Variants in IL1RAPL1 observed in about 807,000 individuals in gnomAD.
The protein encoded by IL1RAPL1 is interleukin 1 receptor accessory protein like 1.
IL1RAPL1 carries 3 observed loss-of-function variants against 48.4 expected under a neutral mutation model. The observed-to-expected ratio is 0.06, with a 90% CI of 0.03 to 0.16. The LOEUF is 0.16. Among genes scored for constraint, IL1RAPL1 ranks in the 10% least tolerant of loss-of-function variants. The probability of loss-of-function intolerance (pLI) is 1.00; values close to 1 mark genes in which losing one functional copy is unlikely to be tolerated. For missense variants in IL1RAPL1, 349 were observed against 530.6 expected, an observed-to-expected ratio of 0.66 and a Z score of 3.36; for synonymous variants, 185 against 187.7, an observed-to-expected ratio of 0.99 and a Z score of 0.12.
chrX:29,651,897 T>A (rs957451666), intron 5 of IL1RAPL1, among the ~76,000 whole-genome samples: 2 of 111,853 alleles, frequency 1.8e-5, no homozygotes, highest in African/African-American at 6.5e-5. Context: ...CATACAATGT[T>A]ATCTGTCAAT....
At chrX:28,770,370 TTCA>T (rs1936295578) in intron 1 of IL1RAPL1, among the ~76,000 whole-genome samples, 2 of 111,586 alleles carry the variant, frequency 1.8e-5, no homozygotes, top group African/African-American at 3.3e-5. Flanking sequence ...AAGCTCAAGC[TTCA>T]TCAGTCTCTG....
chrX:29,669,957 G>A (rs777783152), intron 6 of IL1RAPL1, among the ~76,000 whole-genome samples: 8 of 111,337 alleles, frequency 7.2e-5, no homozygotes, highest in African/African-American at 2.0e-4. Flanking sequence ...ATAATTCATA[G>A]GAAGATGTAT....
rs183401846 is a variant in IL1RAPL1, at chrX:29,467,482, C to T, written c.703+68174C>T. Among the ~76,000 whole-genome samples the T allele has an allele frequency of 4.5e-3, 509 of 112,642 alleles. 4 individuals are homozygous for T. Among genetic ancestry groups the T allele is most frequent in the African/African-American group, 0.016 (493 of 31,058 alleles). On this transcript the variant is annotated intron_variant, in intron 5 of 10. Coordinates refer to ENST00000378993, the MANE Select transcript of IL1RAPL1 (RefSeq NM_014271.4). ...CTTGCGAAGGGGTCGCTCACTTACT[C>T]AGCCTGCAGCACTCAAACCCCTTGA...
intron 2 of IL1RAPL1, among the ~76,000 whole-genome samples, chrX:29,235,051 G>A (rs184202673): frequency 1.7e-3 from 195 of 111,730 alleles, no homozygotes; most frequent in Middle Eastern, 9.3e-3. Context: ...CCACTTCTAC[G>A]CATCCCCTGC....
chrX:29,719,862 G>A (rs1927588417), intron 6 of IL1RAPL1, among the ~76,000 whole-genome samples: 2 of 110,437 alleles, frequency 1.8e-5, no homozygotes, highest in Admixed American at 9.7e-5. Context: ...AGGAAAGAAG[G>A]TAGAGTATTT....
intron 5 of IL1RAPL1, among the ~76,000 whole-genome samples, chrX:29,428,088 G>T (rs991224234): frequency 2.7e-5 from 3 of 112,099 alleles, no homozygotes; most frequent in African/African-American, 9.7e-5. Flanking sequence ...CACAAAGGCA[G>T]TTTCAGTCAC....
At chrX:29,685,703 T>A (rs143019402) in intron 6 of IL1RAPL1, among the ~76,000 whole-genome samples, 2 of 109,898 alleles carry the variant, frequency 1.8e-5, no homozygotes, top group Non-Finnish European at 3.8e-5. Flanking sequence ...AACAGAAGTA[T>A]TGGCCAGGTG....
At chrX:28,768,755 CTATATA>C (rs1207885215) in intron 1 of IL1RAPL1, among the ~76,000 whole-genome samples, 476 of 34,843 alleles carry the variant, frequency 0.014, 8 homozygotes, top group African/African-American at 0.056. Flanking sequence ...CTCTCTCTCT[CTATATA>C]TATATATATA....
intron 2 of IL1RAPL1, among the ~76,000 whole-genome samples, chrX:29,198,586 G>A (rs765843859): frequency 1.8e-5 from 2 of 111,503 alleles, no homozygotes; most frequent in East Asian, 2.8e-4. Flanking sequence ...AAGCCACTGC[G>A]CCCAGCCAGA....
chrX:29,476,869 A>ATTTTTTTTTTTTT (rs1934980303), intron 5 of IL1RAPL1, among the ~76,000 whole-genome samples: 17 of 49,321 alleles, frequency 3.4e-4, no homozygotes, highest in South Asian at 1.2e-3. Context: ...TTTTACCCAT[A>ATTTTTTTTTTTTT]TTCTTTTTTT....
At chrX:29,954,951 GA>G (rs1027501985) in intron 10 of IL1RAPL1, 150 bp from the exon 11 acceptor site, 113 of 539,510 alleles carry the variant, frequency 2.1e-4, no homozygotes, top group Admixed American at 4.1e-4. Flanking sequence ...TTTGTACCGG[GA>G]AAAAAAAATA....
chrX:29,691,228 G>A (rs185541561), intron 6 of IL1RAPL1, among the ~76,000 whole-genome samples: 1 of 111,104 alleles, frequency 9.0e-6, no homozygotes, highest in East Asian at 2.8e-4. Flanking sequence ...GCTCATTTAA[G>A]TGCATTTCAT....
intron 2 of IL1RAPL1, among the ~76,000 whole-genome samples, chrX:28,823,391 TA>T (rs1319788722): frequency 9.0e-6 from 1 of 111,547 alleles, no homozygotes; most frequent in African/African-American, 3.3e-5. Context: ...ACTGGCTTTG[TA>T]ACTATAGCTA....
chrX:28,770,759 T>C (rs760058205), intron 1 of IL1RAPL1, among the ~76,000 whole-genome samples: 1 of 112,431 alleles, frequency 8.9e-6, no homozygotes, highest in Admixed American at 9.4e-5. Flanking sequence ...ATCCTTTGTA[T>C]GCATATTTTT....
intron 2 of IL1RAPL1, among the ~76,000 whole-genome samples, chrX:29,043,987 C>T (rs187436956): frequency 6.3e-5 from 7 of 111,477 alleles, no homozygotes; most frequent in Admixed American, 9.6e-5. Flanking sequence ...TGCTGACAGA[C>T]GGCTCCCCTG....
At chrX:28,640,009 A>G (rs1934513982) in intron 1 of IL1RAPL1, among the ~76,000 whole-genome samples, 1 of 111,821 alleles carries the variant, frequency 8.9e-6, no homozygotes, top group South Asian at 3.7e-4. Context: ...AATGAAGGGT[A>G]TAGGAGCAGA....
intron 6 of IL1RAPL1, among the ~76,000 whole-genome samples, chrX:29,756,967 G>A (rs1928634321): frequency 9.0e-6 from 1 of 111,191 alleles, no homozygotes; most frequent in Admixed American, 9.6e-5. Context: ...GCAGCTGCAA[G>A]CCAAGGAATG....
At chrX:29,477,030 G>A (rs1208738868) in intron 5 of IL1RAPL1, among the ~76,000 whole-genome samples, 1 of 106,532 alleles carries the variant, frequency 9.4e-6, no homozygotes, top group Non-Finnish European at 1.9e-5. Context: ...ACAGGCGCCC[G>A]CCACCGCGCC....
chrX:29,887,817 C>G (rs938517338), intron 6 of IL1RAPL1, among the ~76,000 whole-genome samples: 1 of 111,017 alleles, frequency 9.0e-6, no homozygotes, highest in African/African-American at 3.3e-5. Context: ...TCACCTGTGT[C>G]TAGTGTTGGA....
Sources: gnomAD v4.1 joint callset for allele counts (sites outside exome capture counted in the v4.1 genomes callset) on GRCh38, gnomAD v4.1.1 for gene constraint, MANE v1.5 for transcripts, NCBI Gene and HGNC (gene_info 2026-07-23, HGNC 2026-07-21) for gene names.